PHF2: variants seen among roughly 807,000 people sequenced by gnomAD.
The protein encoded by PHF2 is PHD finger protein 2, also known as lysine-specific demethylase PHF2.
In PHF2, 27 loss-of-function variants were observed where a neutral mutation model predicts 120.5. The ratio of observed to expected loss-of-function variants is 0.22; its 90% CI spans 0.17 to 0.31. The LOEUF (loss-of-function observed/expected upper bound fraction) is 0.31, where lower values mean the gene tolerates loss of function less well. Ranked by LOEUF, PHF2 falls within the 10% of genes least tolerant of loss-of-function variation. The pLI, the probability that PHF2 is intolerant of heterozygous loss-of-function variation, is 1.00. For synonymous variants in PHF2, 568 were observed against 592.5 expected (o/e 0.96, Z 0.60); for missense variants, 1,024 against 1,434.8 (o/e 0.71, Z 4.63).
chr9:93,615,199 ATGATGG>A (rs1327797937), intron 1 of PHF2, among the ~76,000 whole-genome samples: 74 of 78,732 alleles, frequency 9.4e-4, no homozygotes, highest in East Asian at 3.2e-3. Context: ...GATGGTGATG[ATGATGG>A]TGATGGTGAT....
rs67001312 is a variant in PHF2 at position 93,602,247 on chromosome 9, CTT to C, written c.98+25398_98+25399del. ...AAGTCATTTTGCATTCCTAGAGATT[CTT>C]TTTTTTTTTTTTTTTTTTTTTGAGA... On this transcript the variant is annotated intron_variant, in intron 1 of 21. Transcript: ENST00000359246. Among the ~76,000 whole-genome samples, 63 of 79,666 alleles carry C rather than the reference CTT, an allele frequency of 7.9e-4. 1 individual carries two copies. The South Asian group carries it at 0.015, about 19-fold the overall frequency. 52.3% of individuals were successfully genotyped at this position (79,666 alleles called of 152,430 possible).
At chr9:93,632,697 T>A (rs1195654977) in intron 2 of PHF2, among the ~76,000 whole-genome samples, 1 of 152,142 alleles carries the variant, frequency 6.6e-6, no homozygotes, top group Non-Finnish European at 1.5e-5. Flanking sequence ...CATAAAATCA[T>A]CACCTTAGGG....
intron 12 of PHF2, among the ~76,000 whole-genome samples, chr9:93,661,349 G>A (rs554068677): frequency 6.6e-6 from 1 of 152,290 alleles, no homozygotes; most frequent in South Asian, 2.1e-4. Context: ...CTTTCTCAGG[G>A]CAAGCATGAA....
rs1352970782 is a variant in PHF2, at chr9:93,641,092, A to G, written c.300-4537A>G. 3.3e-5 allele frequency among the ~76,000 whole-genome samples: 5 copies of G among 152,108 alleles called. No homozygotes were observed. The East Asian group carries it at 7.7e-4, about 23-fold the overall frequency. On this transcript the variant is annotated intron_variant, in intron 3 of 21. Transcript: ENST00000359246. ...TTTCAGGATTAAATCTCAGTTTTGT[A>G]GAGTCTCTGGGCTGTGATCATTAGG...
chr9:93,636,576 C>T (rs917590210), intron 3 of PHF2, 51 bp downstream of exon 3: 1 of 1,232,748 alleles, frequency 8.1e-7, no homozygotes, highest in Admixed American at 2.0e-5. Context: ...GGGATGCACA[C>T]TCTCTCCGTC....
chr9:93,630,107 C>A (rs12553775), intron 2 of PHF2, 52 bp downstream of exon 2: 152,152 of 1,563,334 alleles, frequency 0.097, 7,923 homozygotes, highest in Non-Finnish European at 0.11. Flanking sequence ...GCAGCATCCA[C>A]CCTGCCTGGG....
At chr9:93,600,527 A>G (rs1825420762) in intron 1 of PHF2, among the ~76,000 whole-genome samples, 1 of 152,194 alleles carries the variant, frequency 6.6e-6, no homozygotes, top group African/African-American at 2.4e-5. Context: ...CAGCTTTGCA[A>G]TTCAGATCTG....
chr9:93,640,181 C>T (rs1394437674), intron 3 of PHF2, among the ~76,000 whole-genome samples: 6 of 151,932 alleles, frequency 3.9e-5, no homozygotes, highest in Non-Finnish European at 8.8e-5. Context: ...GGCATTTATC[C>T]TCCTTTATGT....
chr9:93,672,981 C>T (rs941519416), intron 17 of PHF2, among the ~76,000 whole-genome samples: 1 of 150,606 alleles, frequency 6.6e-6, no homozygotes. Context: ...GGTGTAGATG[C>T]ATGTATGGGT....
At chr9:93,622,063 A>G (rs1825835747) in intron 1 of PHF2, among the ~76,000 whole-genome samples, 1 of 152,166 alleles carries the variant, frequency 6.6e-6, no homozygotes, top group Non-Finnish European at 1.5e-5. Flanking sequence ...GCTCCTAGCC[A>G]TGGCTTGTCC....
chr9:93,642,671 T>G (rs920594921), intron 3 of PHF2, among the ~76,000 whole-genome samples: 2 of 152,242 alleles, frequency 1.3e-5, no homozygotes, highest in Non-Finnish European at 2.9e-5. Flanking sequence ...TGTACGATAT[T>G]GCCTCTAGAT....
chr9:93,647,888 C>CAAAAA, intron 4 of PHF2, among the ~76,000 whole-genome samples: 1 of 145,702 alleles, frequency 6.9e-6, no homozygotes. Flanking sequence ...GATTTCATCT[C>CAAAAA]AAAAAAAAAA....
At chr9:93,636,334 A>G in intron 2 of PHF2, 77 bp from the exon 3 acceptor site, 2 of 1,178,258 alleles carry the variant, frequency 1.7e-6, no homozygotes, top group South Asian at 1.4e-5. Context: ...TGGGTGGGCC[A>G]AGGTTCTTAG....
At chr9:93,608,010 AAGGAAAGGAGGAAGGAAAG>A (rs751804861) in intron 1 of PHF2, among the ~76,000 whole-genome samples, 67 of 37,984 alleles carry the variant, frequency 1.8e-3, no homozygotes, top group Non-Finnish European at 3.3e-3. Flanking sequence ...AGAGAGAGAG[AAGGAAAGGAGGAAGGAAAG>A]AAAGGAAAGG....
intron 1 of PHF2, among the ~76,000 whole-genome samples, chr9:93,590,681 C>T (rs1825200307): frequency 6.6e-6 from 1 of 152,274 alleles, no homozygotes; most frequent in Non-Finnish European, 1.5e-5. Flanking sequence ...GCACATCTTA[C>T]ATCTCCGTGG....
At chr9:93,593,069 T>C (rs1825258323) in intron 1 of PHF2, among the ~76,000 whole-genome samples, 1 of 135,968 alleles carries the variant, frequency 7.4e-6, no homozygotes, top group African/African-American at 2.9e-5. Context: ...TCTTTGCTTT[T>C]CTTGTCCTTT....
At chr9:93,662,824 A>G in intron 12 of PHF2, 83 bp from the exon 13 acceptor site, 6 of 1,548,726 alleles carry the variant, frequency 3.9e-6, no homozygotes, top group Non-Finnish European at 5.3e-6. Flanking sequence ...CATGGGCCAG[A>G]AGAAGACAGG....
chr9:93,663,690 C>A (rs1350949041), intron 14 of PHF2, 55 bp downstream of exon 14: 3 of 960,346 alleles, frequency 3.1e-6, no homozygotes, highest in Non-Finnish European at 5.0e-6. Flanking sequence ...ACATCACACA[C>A]ACCATACATA....
Position 93,640,775 on chromosome 9 carries a change from G to A in PHF2, c.299+4250G>A, listed in dbSNP as rs779847086. Among the ~76,000 whole-genome samples the A allele has an allele frequency of 8.5e-4, 129 of 152,274 alleles. 1 individual carries two copies. Among genetic ancestry groups the A allele is most frequent in the Non-Finnish European group, 5.6e-4 (38 of 68,024 alleles). On this transcript the variant is annotated intron_variant, in intron 3 of 21. Transcript: ENST00000359246. ...CCATTTAGCAGGCTTAAAATTTCTT[G>A]TGAAAGCTGGACACGATGTATTGTG...
Sources: gnomAD v4.1 joint callset for allele counts (sites outside exome capture counted in the v4.1 genomes callset) on GRCh38, gnomAD v4.1.1 for gene constraint, MANE v1.5 for transcripts, NCBI Gene and HGNC (gene_info 2026-07-23, HGNC 2026-07-21) for gene names.